RYR2: variants seen among roughly 807,000 people sequenced by gnomAD.
RYR2 encodes the protein ryanodine receptor 2, also known as cardiac muscle ryanodine receptor-calcium release channel.
Under a neutral mutation model 601.1 loss-of-function variants are expected in RYR2, and 227 were observed. The ratio of observed to expected loss-of-function variants is 0.38; its 90% CI spans 0.34 to 0.42. RYR2 has a LOEUF of 0.42. Among genes scored for constraint, RYR2 ranks in the 10% least tolerant of loss-of-function variants. The probability of loss-of-function intolerance (pLI) is 1.00; values close to 1 mark genes in which losing one functional copy is unlikely to be tolerated. For synonymous variants in RYR2, 2,223 were observed against 2,175.1 expected, an observed-to-expected ratio of 1.02 and a Z score of -0.61; for missense variants, 4,646 against 6,156.5, an observed-to-expected ratio of 0.75 and a Z score of 8.21.
chr1:237,439,713 C>T (rs547982464), intron 12 of RYR2, among the ~76,000 whole-genome samples: 3 of 151,528 alleles, frequency 2.0e-5, no homozygotes, highest in African/African-American at 7.3e-5. Context: ...ATGTGAAATA[C>T]ATCAATAAAA....
At chr1:237,144,193 T>G (rs1331018618) in intron 1 of RYR2, among the ~76,000 whole-genome samples, 2 of 150,884 alleles carry the variant, frequency 1.3e-5, no homozygotes, top group Non-Finnish European at 3.0e-5. Context: ...ACTAAAAGAG[T>G]GCCAAGACAG....
At chr1:237,189,873 A>ATTTTTTTT (rs1553336323) in intron 1 of RYR2, among the ~76,000 whole-genome samples, 1 of 104,142 alleles carries the variant, frequency 9.6e-6, no homozygotes, top group African/African-American at 5.3e-5. Context: ...TTTTATTTTT[A>ATTTTTTTT]TTTTTATTTT....
At chr1:237,270,728 G>A in intron 2 of RYR2, 112 bp downstream of exon 2, 3 of 1,176,948 alleles carry the variant, frequency 2.5e-6, no homozygotes, top group Non-Finnish European at 2.4e-6. Context: ...ATAAATGAAA[G>A]GGATATAACA....
At chr1:237,707,961 T>C (rs1326917634) in intron 68 of RYR2, among the ~76,000 whole-genome samples, 3 of 106,006 alleles carry the variant, frequency 2.8e-5, no homozygotes, top group Non-Finnish European at 4.3e-5. Flanking sequence ...TTTTTTTTTT[T>C]AGTAGAGATG....
At chr1:237,565,464 C>T (rs2100972) in intron 27 of RYR2, among the ~76,000 whole-genome samples, 80,136 of 151,714 alleles carry the variant, frequency 0.53, 23,112 homozygotes, top group South Asian at 0.65. Context: ...GACAGGGTAC[C>T]ACTATGTTGC....
chr1:237,231,476 C>T (rs1370578776), intron 1 of RYR2, among the ~76,000 whole-genome samples: 1 of 151,936 alleles, frequency 6.6e-6, no homozygotes, highest in African/African-American at 2.4e-5. Flanking sequence ...CTCTTGTTTG[C>T]TAGATGTATA....
At chr1:237,511,341 C>G (rs1235284241) in intron 23 of RYR2, among the ~76,000 whole-genome samples, 4 of 148,128 alleles carry the variant, frequency 2.7e-5, no homozygotes, top group Non-Finnish European at 6.0e-5. Context: ...GCAGACTGTC[C>G]TAATTAGACA....
chr1:237,355,184 A>G lies in RYR2; in HGVS notation c.274-781A>G, dbSNP rs1237421174. ...AAGCCACAATTCCCACAGGACACCA[A>G]TTATACATTCTATAGATGGGAGGTG... On this transcript the variant is annotated intron_variant, in intron 3 of 104. Coordinates refer to ENST00000366574, the MANE Select transcript of RYR2 (RefSeq NM_001035.3). 5.3e-5 allele frequency among the ~76,000 whole-genome samples: 8 copies of G among 152,158 alleles called. 1 individual carries two copies. In the South Asian group the frequency reaches 1.2e-3, roughly 24 times the overall value.
chr1:237,622,127 A>G (rs1383348907), intron 38 of RYR2, among the ~76,000 whole-genome samples: 2 of 152,206 alleles, frequency 1.3e-5, no homozygotes, highest in Non-Finnish European at 2.9e-5. Context: ...GGGAAAAAAA[A>G]TCACATAAAT....
intron 10 of RYR2, among the ~76,000 whole-genome samples, chr1:237,409,084 T>G (rs1704188548): frequency 6.6e-6 from 1 of 152,140 alleles, no homozygotes; most frequent in South Asian, 2.1e-4. Flanking sequence ...TCTTTGAGAT[T>G]GGGGTAAATA....
intron 1 of RYR2, among the ~76,000 whole-genome samples, chr1:237,201,284 C>A (rs139690251): frequency 1.6e-4 from 24 of 152,324 alleles, no homozygotes; most frequent in African/African-American, 5.8e-4. Flanking sequence ...GGTCCTGGCA[C>A]TGCCCTCACT....
chr1:237,799,775 C>T (rs931170554), intron 97 of RYR2, among the ~76,000 whole-genome samples: 1 of 152,080 alleles, frequency 6.6e-6, no homozygotes, highest in Admixed American at 6.5e-5. Context: ...ACACATAAGG[C>T]TTGGTATGTG....
rs897400485 is a variant in RYR2, at chr1:237,635,895, C to G, written c.6792+903C>G. Among the ~76,000 whole-genome samples the G allele has an allele frequency of 1.1e-4, 16 of 152,276 alleles. No individual in the cohort carries two copies. The East Asian group carries it at 2.3e-3, about 22-fold the overall frequency. On this transcript the variant is annotated intron_variant, in intron 44 of 104. Coordinates refer to ENST00000366574, the MANE Select transcript of RYR2 (RefSeq NM_001035.3). The stretch of plus-strand genomic sequence containing the variant: ...CCTCAGGGCCTCTGCACCTGCTAGT[C>G]CAACCATCTGCAGTATCCTTACCCA...
At chr1:237,136,372 G>A (rs1337798) in intron 1 of RYR2, among the ~76,000 whole-genome samples, 101,740 of 151,998 alleles carry the variant, frequency 0.67, 34,099 homozygotes, top group South Asian at 0.75. Flanking sequence ...CTTTTTTCCC[G>A]TAGTTACCTG....
chr1:237,717,762 T>G (rs1689383217), intron 72 of RYR2, among the ~76,000 whole-genome samples: 1 of 152,108 alleles, frequency 6.6e-6, no homozygotes, highest in African/African-American at 2.4e-5. Flanking sequence ...TGTTGACTTT[T>G]AAATCAGCTG....
chr1:237,209,516 T>TGTGTGTGTGTGTGTGTGTGTGTA (rs1260539665), intron 1 of RYR2, among the ~76,000 whole-genome samples: 1 of 148,036 alleles, frequency 6.8e-6, no homozygotes, highest in Non-Finnish European at 1.5e-5. Flanking sequence ...TGTGTGTGTA[T>TGTGTGTGTGTGTGTGTGTGTGTA]TTTTTTTTTT....
intron 2 of RYR2, among the ~76,000 whole-genome samples, chr1:237,313,159 A>ATTGAAGTACAGTATTGAAG (rs1558604978): frequency 1.1e-4 from 16 of 152,114 alleles, no homozygotes; most frequent in African/African-American, 2.9e-4. Flanking sequence ...TGAAGTACAG[A>ATTGAAGTACAGTATTGAAG]TATAGTTAAA....
intron 1 of RYR2, among the ~76,000 whole-genome samples, chr1:237,094,590 T>C (rs1387177470): frequency 6.7e-6 from 1 of 149,898 alleles, no homozygotes. Flanking sequence ...ATTATTATTT[T>C]TTGAGACGGA....
chr1:237,711,050 C>T (rs1688795847), intron 70 of RYR2, among the ~76,000 whole-genome samples: 1 of 152,098 alleles, frequency 6.6e-6, no homozygotes, highest in South Asian at 2.1e-4. Context: ...TCTTCAGTTT[C>T]CTCGATCATT....
Sources: allele counts gnomAD v4.1 joint callset (sites outside exome capture counted in the v4.1 genomes callset), GRCh38; gene constraint gnomAD v4.1.1; transcripts MANE v1.5; gene names NCBI Gene and HGNC (gene_info 2026-07-23, HGNC 2026-07-21).